The following SVIL variants were observed in gnomAD, a reference collection of about 807,000 sequenced individuals.
SVIL encodes supervillin.
A neutral mutation model predicts 240.4 loss-of-function variants in SVIL; 101 were observed. That is an observed-to-expected ratio of 0.42 (90% CI 0.36 to 0.50). The LOEUF is 0.50. Among genes scored for constraint, SVIL ranks in the 20% least tolerant of loss-of-function variants. The pLI is 0.01. For missense variants in SVIL, 2,512 were observed against 2,818.7 expected (o/e 0.89, Z 2.46); for synonymous variants, 999 against 1,100.0 (o/e 0.91, Z 1.82).
At chr10:29,631,618 T>C (rs1314506371) in intron 1 of SVIL, among the ~76,000 whole-genome samples, 2 of 151,756 alleles carry the variant, frequency 1.3e-5, no homozygotes. Context: ...TTACTAAATA[T>C]ACAAGAATTA....
chr10:29,680,079 G>C (rs1032989390), intron 2 of SVIL, among the ~76,000 whole-genome samples: 14 of 152,104 alleles, frequency 9.2e-5, no homozygotes, highest in African/African-American at 3.4e-4. Flanking sequence ...CAGCCACTTG[G>C]GGGGCTTAGG....
At chr10:29,491,728 C>T (rs554135644) in intron 21 of SVIL, among the ~76,000 whole-genome samples, 2 of 152,266 alleles carry the variant, frequency 1.3e-5, no homozygotes, top group South Asian at 2.1e-4. Context: ...TCCAGCTGCG[C>T]GGGCCTCTGT....
chr10:29,472,086 G>C (rs1192158594), intron 30 of SVIL, among the ~76,000 whole-genome samples: 1 of 152,148 alleles, frequency 6.6e-6, no homozygotes, highest in African/African-American at 2.4e-5. Context: ...TCCAGCCTGG[G>C]TGACAGAGTG....
intron 1 of SVIL, among the ~76,000 whole-genome samples, chr10:29,632,541 G>A (rs573753047): frequency 1.3e-5 from 2 of 151,914 alleles, no homozygotes; most frequent in South Asian, 4.2e-4. Flanking sequence ...AACCCCAGGT[G>A]TTGCCAAAGA....
At chr10:29,585,734 C>T (rs908706975) in intron 1 of SVIL, among the ~76,000 whole-genome samples, 5 of 152,288 alleles carry the variant, frequency 3.3e-5, no homozygotes, top group Admixed American at 3.3e-4. Flanking sequence ...GCTTATGAGC[C>T]CTGGTGCCCC....
rs574485609 is a variant in SVIL at position 29,466,357 on chromosome 10, A to G, written c.5978-607T>C. ...AATGCTTAGCTATCTGTCTCCTTTC[A>G]TCAATTTGGCAAAGAGGAAAAAATA... On this transcript the variant is annotated intron_variant, in intron 33 of 37. Coordinates refer to ENST00000355867, the MANE Select transcript of SVIL (RefSeq NM_021738.3). 1.9e-3 allele frequency among the ~76,000 whole-genome samples: 285 copies of G among 152,248 alleles called. 13 individuals carry two copies. The South Asian group carries it at 0.058, about 31-fold the overall frequency.
At chr10:29,517,227 G>T (rs147114982) in intron 16 of SVIL, among the ~76,000 whole-genome samples, 2 of 151,840 alleles carry the variant, frequency 1.3e-5, no homozygotes, top group African/African-American at 4.8e-5. Flanking sequence ...AGCCTGGGCC[G>T]CAGAGCAAGA....
intron 1 of SVIL, among the ~76,000 whole-genome samples, chr10:29,578,599 T>G (rs371631235): frequency 6.6e-6 from 1 of 152,244 alleles, no homozygotes. Flanking sequence ...ATCCCCTTCC[T>G]AAATGTTCTT....
intron 2 of SVIL, among the ~76,000 whole-genome samples, chr10:29,664,771 A>G (rs1463017896): frequency 6.6e-6 from 1 of 152,114 alleles, no homozygotes; most frequent in Non-Finnish European, 1.5e-5. Context: ...ATAATGAGCT[A>G]AGTCGTAAAA....
rs190586071 is a variant in SVIL at position 29,519,069 on chromosome 10, C to T, written c.3389+3341G>A. On this transcript the variant is annotated intron_variant, in intron 16 of 37. Coordinates refer to ENST00000355867, the MANE Select transcript of SVIL (RefSeq NM_021738.3). ...AAACGATGAAGGAAATCTGCAAATT[C>T]CAGACTCTATTTCTGAGACTCTGAA... Among the ~76,000 whole-genome samples, 643 of 152,188 alleles carry T rather than the reference C, an allele frequency of 4.2e-3. 2 individuals carry two copies. Among genetic ancestry groups the T allele is most frequent in the African/African-American group, 0.015 (625 of 41,496 alleles).
intron 6 of SVIL, among the ~76,000 whole-genome samples, chr10:29,544,316 C>T (rs1323602046): frequency 6.6e-6 from 1 of 152,160 alleles, no homozygotes; most frequent in Non-Finnish European, 1.5e-5. Flanking sequence ...AATGACCGTT[C>T]TGCAGATAGG....
chr10:29,465,508 G>A (rs1944804137), intron 34 of SVIL, 87 bp downstream of exon 34: 1 of 1,491,060 alleles, frequency 6.7e-7, no homozygotes, highest in Non-Finnish European at 9.0e-7. Context: ...AACAGAAGCT[G>A]CTTAATAAAT....
chr10:29,645,128 T>A (rs935816191), intron 3 of SVIL, among the ~76,000 whole-genome samples: 83 of 152,228 alleles, frequency 5.5e-4, no homozygotes, highest in African/African-American at 1.9e-3. Context: ...AGGTAAGGGC[T>A]TGGTTTTAGT....
At chr10:29,538,392 A>AGGG (rs1188758128) in intron 6 of SVIL, among the ~76,000 whole-genome samples, 2 of 152,244 alleles carry the variant, frequency 1.3e-5, no homozygotes, top group Admixed American at 1.3e-4. Flanking sequence ...GACTACCACC[A>AGGG]GGGTGGTGAA....
chr10:29,563,380 T>TGATGTGTAACAA, intron 2 of SVIL, 88 bp from the exon 3 acceptor site: 1 of 445,836 alleles, frequency 2.2e-6, no homozygotes, highest in Non-Finnish European at 3.0e-6. Flanking sequence ...TATGATATTG[T>TGATGTGTAACAA]TACACATCAT....
At chr10:29,527,930 T>C (rs1481373268) in intron 12 of SVIL, among the ~76,000 whole-genome samples, 3 of 151,846 alleles carry the variant, frequency 2.0e-5, no homozygotes, top group African/African-American at 7.3e-5. Flanking sequence ...GGTTTCACCA[T>C]GTTGGCCAGG....
chr10:29,696,581 G>A (rs1962029936), intron 1 of SVIL, among the ~76,000 whole-genome samples: 1 of 151,204 alleles, frequency 6.6e-6, no homozygotes. Flanking sequence ...CGTCTGAGAT[G>A]TGGGGAGCGC....
intron 1 of SVIL, among the ~76,000 whole-genome samples, chr10:29,574,608 A>G (rs912830422): frequency 3.3e-5 from 5 of 152,162 alleles, no homozygotes; most frequent in Admixed American, 3.3e-4. Context: ...AGAATACTCA[A>G]GGTCACAAAG....
intron 2 of SVIL, among the ~76,000 whole-genome samples, chr10:29,681,659 C>T (rs148363914): frequency 1.3e-5 from 2 of 152,194 alleles, no homozygotes; most frequent in African/African-American, 4.8e-5. Context: ...CTAATGATCA[C>T]GTCAGAAAAG....
Sources: gnomAD v4.1 joint callset for allele counts (sites outside exome capture counted in the v4.1 genomes callset) on GRCh38, gnomAD v4.1.1 for gene constraint, MANE v1.5 for transcripts, NCBI Gene and HGNC (gene_info 2026-07-23, HGNC 2026-07-21) for gene names.